RALYL: variants seen among roughly 807,000 people sequenced by gnomAD.
RALYL encodes the protein RNA-binding Raly-like protein.
In RALYL, 29 loss-of-function variants were observed where a neutral mutation model predicts 35.1. That is an observed-to-expected ratio of 0.83 (90% CI 0.61 to 1.13). RALYL has a LOEUF of 1.13. Among genes scored for constraint, RALYL ranks in the 50% most tolerant of loss-of-function variants. The probability of loss-of-function intolerance (pLI) is 0.00; values close to 1 mark genes in which losing one functional copy is unlikely to be tolerated. For synonymous variants in RALYL, 120 were observed against 127.6 expected (o/e 0.94, Z 0.40); for missense variants, 359 against 360.4 (o/e 1.00, Z 0.03).
At chr8:84,357,027 A>G (rs1369805715) in intron 1 of RALYL, among the ~76,000 whole-genome samples, 1 of 152,088 alleles carries the variant, frequency 6.6e-6, no homozygotes, top group Non-Finnish European at 1.5e-5. Context: ...CTTTCTCTAA[A>G]ATACTGGACA....
At position 84,920,900 on chromosome 8, in the gene RALYL, C is replaced by A. The variant is rs1849235428; in HGVS notation, c.865C>A (p.Gln289Lys). 3 of 1,413,534 alleles carry A rather than the reference C, an allele frequency of 2.1e-6. No individual in the cohort carries two copies. The highest frequency in any genetic ancestry group is 1.5e-5 in the South Asian group (1 of 67,060). The allele number at this position is 1,413,534 out of a possible 1,614,324, so 87.6% of individuals were successfully genotyped here. A position where few individuals can be genotyped will look rare whatever the true frequency, so the allele number is the denominator to read the frequency against. The change falls in exon 9 of 9, where the codon CAG (glutamine) becomes AAG (lysine). Residue 289 changes from glutamine to lysine, a missense_variant. Gln to Lys is a moderately conservative substitution (Grantham distance 53). Coordinates refer to ENST00000521268, the MANE Select transcript of RALYL (RefSeq NM_173848.7). ...TTTTTTTTTATTTTCTCAGTTTCTA[C>A]AGATAAAGTGATCTGAAATAACGCA... ...DEDGGHELFL[Q>K]IK
At chr8:84,637,083 G>A (rs192683606) in intron 2 of RALYL, among the ~76,000 whole-genome samples, 1 of 151,898 alleles carries the variant, frequency 6.6e-6, no homozygotes, top group Admixed American at 6.6e-5. Flanking sequence ...TAGATGCTTG[G>A]TAAAATGTTA....
intron 1 of RALYL, among the ~76,000 whole-genome samples, chr8:84,255,236 A>T (rs1563618334): frequency 6.6e-6 from 1 of 152,092 alleles, no homozygotes; most frequent in African/African-American, 2.4e-5. Flanking sequence ...TTAGATATAG[A>T]CTCTGCCTTT....
rs191429874 is a variant in RALYL at position 84,346,819 on chromosome 8, G to C, written c.-24+162395G>C. Among the ~76,000 whole-genome samples the C allele has an allele frequency of 5.9e-5, 9 of 152,174 alleles. No homozygotes were observed. The East Asian group carries it at 1.7e-3, about 29-fold the overall frequency. On this transcript the variant is annotated intron_variant, in intron 1 of 8. Coordinates refer to ENST00000521268, the MANE Select transcript of RALYL (RefSeq NM_173848.7). ...TAAAAATTGATACAATCCATAGCTT[G>C]AAAGTAAAAATGTCAAAATACTTAA... is the stretch of plus-strand genomic sequence containing the variant.
At chr8:84,425,135 G>A (rs946178284) in intron 1 of RALYL, among the ~76,000 whole-genome samples, 6 of 152,266 alleles carry the variant, frequency 3.9e-5, no homozygotes, top group Non-Finnish European at 7.4e-5. Context: ...AATGGCGGAC[G>A]CCCCTCCCCC....
At chr8:84,349,319 A>G (rs1242612531) in intron 1 of RALYL, among the ~76,000 whole-genome samples, 1 of 150,510 alleles carries the variant, frequency 6.6e-6, no homozygotes, top group African/African-American at 2.5e-5. Context: ...TTATCTTTAT[A>G]ACAGCAACTT....
In RALYL at chr8:84,349,814, A is replaced by G. The variant is rs182484526; in HGVS notation, c.-24+165390A>G. On this transcript the variant is annotated intron_variant, in intron 1 of 8. Transcript: ENST00000521268. ...TATGAACATGAGCCTAGTAACTACC[A>G]TGCAATGAGATGGAGGAATCACCCA... 1.3e-3 allele frequency among the ~76,000 whole-genome samples: 197 copies of G among 150,286 alleles called. 8 individuals are homozygous for G. The highest frequency in any genetic ancestry group is 4.4e-3 in the African/African-American group (179 of 40,422).
intron 2 of RALYL, among the ~76,000 whole-genome samples, chr8:84,621,156 C>G (rs183964482): frequency 0.067 from 10,187 of 152,132 alleles, 830 homozygotes; most frequent in African/African-American, 0.19. Flanking sequence ...TACCTAAGCA[C>G]GCCTGGGCAA....
At chr8:84,646,887 T>C (rs1663446805) in intron 2 of RALYL, among the ~76,000 whole-genome samples, 1 of 152,122 alleles carries the variant, frequency 6.6e-6, no homozygotes, top group East Asian at 1.9e-4. Flanking sequence ...GGTATTTGTA[T>C]TGAACTTTCT....
chr8:84,265,399 C>T (rs186437029), intron 1 of RALYL, among the ~76,000 whole-genome samples: 30 of 152,212 alleles, frequency 2.0e-4, no homozygotes, highest in African/African-American at 5.5e-4. Flanking sequence ...CCCAACCTGC[C>T]GTTACTGGCT....
intron 1 of RALYL, among the ~76,000 whole-genome samples, chr8:84,524,708 A>T (rs553763260): frequency 2.0e-5 from 3 of 152,312 alleles, no homozygotes; most frequent in African/African-American, 7.2e-5. Flanking sequence ...TCTCTCAAAT[A>T]GAAATTAAAA....
chr8:84,745,565 A>G (rs1299199667), intron 2 of RALYL, among the ~76,000 whole-genome samples: 1 of 152,002 alleles, frequency 6.6e-6, no homozygotes, highest in Admixed American at 6.6e-5. Context: ...TGCCTTCTTT[A>G]TCTCTAATGG....
intron 1 of RALYL, among the ~76,000 whole-genome samples, chr8:84,228,997 T>A (rs1824677015): frequency 6.6e-6 from 1 of 152,144 alleles, no homozygotes; most frequent in Admixed American, 6.6e-5. Flanking sequence ...AGCCAAACTA[T>A]ATCACATCCC....
chr8:84,811,549 A>C (rs1421011458), intron 4 of RALYL, among the ~76,000 whole-genome samples: 1 of 152,074 alleles, frequency 6.6e-6, no homozygotes, highest in East Asian at 1.9e-4. Flanking sequence ...TCTTGTATTT[A>C]GATGTCTAGT....
chr8:84,699,371 G>A (rs1213032192), intron 2 of RALYL, among the ~76,000 whole-genome samples: 1 of 152,130 alleles, frequency 6.6e-6, no homozygotes, highest in East Asian at 1.9e-4. Flanking sequence ...CCACTCGGCT[G>A]TTATAATAAA....
chr8:84,765,008 T>TTTTTG (rs1328877680), intron 2 of RALYL, among the ~76,000 whole-genome samples: 2 of 152,166 alleles, frequency 1.3e-5, no homozygotes, highest in African/African-American at 2.4e-5. Flanking sequence ...TTTGTGGGTT[T>TTTTTG]TTTTGTTTTG....
intron 1 of RALYL, among the ~76,000 whole-genome samples, chr8:84,359,582 GA>G (rs1473093069): frequency 2.6e-5 from 4 of 151,850 alleles, no homozygotes; most frequent in African/African-American, 9.7e-5. Flanking sequence ...TAATCACTTT[GA>G]AAATACCTAT....
chr8:84,496,146 C>A (rs894430428), intron 1 of RALYL, among the ~76,000 whole-genome samples: 2 of 151,980 alleles, frequency 1.3e-5, no homozygotes, highest in African/African-American at 4.8e-5. Context: ...GTTAATGAGA[C>A]TATTAATAGC....
chr8:84,887,178 T>C (rs879585362), intron 7 of RALYL, among the ~76,000 whole-genome samples: 9 of 152,340 alleles, frequency 5.9e-5, no homozygotes, highest in Non-Finnish European at 1.2e-4. Context: ...TGTCAATGAA[T>C]TTTCTCAATC....
Sources: allele counts gnomAD v4.1 joint callset (sites outside exome capture counted in the v4.1 genomes callset), GRCh38; gene constraint gnomAD v4.1.1; transcripts MANE v1.5; gene names NCBI Gene and HGNC (gene_info 2026-07-23, HGNC 2026-07-21).